Variants in SORCS1 observed in about 807,000 individuals in gnomAD.
SORCS1 encodes the protein VPS10 domain-containing receptor SorCS1.
Under a neutral mutation model 146.1 loss-of-function variants are expected in SORCS1, and 60 were observed. That is an observed-to-expected ratio of 0.41 (90% CI 0.33 to 0.51). The LOEUF (loss-of-function observed/expected upper bound fraction) is 0.51, where lower values mean the gene tolerates loss of function less well. Among genes scored for constraint, SORCS1 ranks in the 20% least tolerant of loss-of-function variants. The pLI is 0.21. For synonymous variants in SORCS1, 637 were observed against 584.0 expected, an observed-to-expected ratio of 1.09 and a Z score of -1.31; for missense variants, 1,352 against 1,487.6, an observed-to-expected ratio of 0.91 and a Z score of 1.50.
chr10:106,803,076 T>C (rs1164966357), intron 3 of SORCS1, among the ~76,000 whole-genome samples: 1 of 152,188 alleles, frequency 6.6e-6, no homozygotes, highest in Non-Finnish European at 1.5e-5. Context: ...CTTGATCACA[T>C]GTGATGGCCT....
chr10:106,762,383 A>ATTTT (rs1273170818), intron 4 of SORCS1, among the ~76,000 whole-genome samples: 2 of 112,876 alleles, frequency 1.8e-5, no homozygotes, highest in East Asian at 3.5e-4. Flanking sequence ...CTTTTTTATT[A>ATTTT]TTCTTTTTTT....
At chr10:106,724,246 C>T (rs1365005516) in intron 6 of SORCS1, among the ~76,000 whole-genome samples, 14 of 152,218 alleles carry the variant, frequency 9.2e-5, no homozygotes, top group Middle Eastern at 3.4e-3. Context: ...TGGTGGCTCA[C>T]GCCTGTAATC....
At chr10:106,904,951 A>G (rs1280015394) in intron 2 of SORCS1, among the ~76,000 whole-genome samples, 2 of 152,260 alleles carry the variant, frequency 1.3e-5, no homozygotes, top group East Asian at 3.8e-4. Flanking sequence ...ATTACAGACT[A>G]ATTAGAAAAT....
At chr10:106,928,198 G>A (rs1414781549) in intron 2 of SORCS1, among the ~76,000 whole-genome samples, 1 of 152,204 alleles carries the variant, frequency 6.6e-6, no homozygotes, top group Non-Finnish European at 1.5e-5. Context: ...AGGAGCCCAC[G>A]AAGGCGGGGA....
At chr10:107,069,240 A>G (rs1962205919) in intron 1 of SORCS1, among the ~76,000 whole-genome samples, 1 of 152,200 alleles carries the variant, frequency 6.6e-6, no homozygotes, top group Admixed American at 6.6e-5. Context: ...ATGTGATTAC[A>G]AAACTGTGAC....
At chr10:107,053,986 A>T (rs1960369820) in intron 1 of SORCS1, among the ~76,000 whole-genome samples, 1 of 152,182 alleles carries the variant, frequency 6.6e-6, no homozygotes, top group Admixed American at 6.6e-5. Context: ...GGAATAAAAA[A>T]CTGCTGATAC....
At chr10:106,943,468 T>G (rs1954153896) in intron 2 of SORCS1, among the ~76,000 whole-genome samples, 1 of 152,106 alleles carries the variant, frequency 6.6e-6, no homozygotes, top group Non-Finnish European at 1.5e-5. Context: ...ATCTGAAAAT[T>G]TCCATTTGAG....
intron 5 of SORCS1, among the ~76,000 whole-genome samples, chr10:106,751,653 T>A (rs1485341775): frequency 6.6e-6 from 1 of 152,154 alleles, no homozygotes; most frequent in Non-Finnish European, 1.5e-5. Flanking sequence ...TCCTTCAATA[T>A]ATATACTCCA....
At chr10:107,042,149 C>T (rs1959171060) in intron 1 of SORCS1, among the ~76,000 whole-genome samples, 2 of 152,274 alleles carry the variant, frequency 1.3e-5, no homozygotes, top group African/African-American at 4.8e-5. Flanking sequence ...AAGGTGATGA[C>T]AAATCAGACA....
At chr10:106,649,701 G>T (rs1022021325) in intron 18 of SORCS1, among the ~76,000 whole-genome samples, 1 of 152,044 alleles carries the variant, frequency 6.6e-6, no homozygotes, top group Non-Finnish European at 1.5e-5. Flanking sequence ...AATGATTCAG[G>T]TTCCTTATCT....
intron 8 of SORCS1, among the ~76,000 whole-genome samples, chr10:106,706,295 GA>G (rs1408209561): frequency 1.3e-5 from 2 of 149,212 alleles, no homozygotes; most frequent in Non-Finnish European, 3.0e-5. Context: ...AGGAGAAAGA[GA>G]AAGAAAGAAA....
At chr10:107,017,549 C>G (rs1039565442) in intron 1 of SORCS1, among the ~76,000 whole-genome samples, 1 of 152,190 alleles carries the variant, frequency 6.6e-6, no homozygotes, top group Non-Finnish European at 1.5e-5. Context: ...AATATAGTAC[C>G]ATGACATTTG....
At chr10:107,092,401 G>A (rs1964247617) in intron 1 of SORCS1, among the ~76,000 whole-genome samples, 1 of 152,194 alleles carries the variant, frequency 6.6e-6, no homozygotes, top group South Asian at 2.1e-4. Flanking sequence ...AGTATTGAGG[G>A]ATAATATCAT....
At chr10:106,949,334 C>T (rs1319289489) in intron 2 of SORCS1, among the ~76,000 whole-genome samples, 1 of 152,134 alleles carries the variant, frequency 6.6e-6, no homozygotes, top group Non-Finnish European at 1.5e-5. Flanking sequence ...CAGGGACTAA[C>T]AATCTGACCC....
intron 2 of SORCS1, among the ~76,000 whole-genome samples, chr10:106,954,404 C>T (rs1007776720): frequency 2.6e-5 from 4 of 152,174 alleles, no homozygotes; most frequent in Admixed American, 6.5e-5. Context: ...ATAGTAGGTG[C>T]GGGCTCCTTA....
At chr10:106,581,811 T>A (rs967145083) in intron 24 of SORCS1, among the ~76,000 whole-genome samples, 3 of 152,146 alleles carry the variant, frequency 2.0e-5, no homozygotes, top group African/African-American at 7.2e-5. Context: ...AATACCATCA[T>A]CACATCAAGG....
chr10:106,950,843 A>G (rs940608845), intron 2 of SORCS1, among the ~76,000 whole-genome samples: 4 of 152,112 alleles, frequency 2.6e-5, no homozygotes, highest in African/African-American at 9.7e-5. Flanking sequence ...AGAGGATGTA[A>G]TAACACATGT....
At chr10:106,652,851 TCTCA>T (rs1849980214) in intron 17 of SORCS1, among the ~76,000 whole-genome samples, 1 of 152,190 alleles carries the variant, frequency 6.6e-6, no homozygotes. Flanking sequence ...TAGCCCCTAC[TCTCA>T]CTAAGTTTAT....
At position 106,672,881 on chromosome 10, in the gene SORCS1, T is replaced by G; in HGVS notation, c.2045A>C (p.Gln682Pro). 6.8e-6 allele frequency: 11 copies of G among 1,613,996 alleles called. No homozygotes were observed. Among genetic ancestry groups the G allele is most frequent in the Non-Finnish European group, 9.3e-6 (11 of 1,179,882 alleles). ...TTTTCCTCCTACCTGGCTGTGCAGC[T>G]GCCAAGGTCTGTAGTCCTCTTCGGC... ...RCAEEDYRPW[Q>P]LHSQGEACIM... is the part of the protein sequence containing the mutation. The change falls in exon 15 of 26, where the codon CAG becomes CCG. Residue 682 changes from glutamine (Q) to proline (P), a missense_variant. By Grantham distance (76) the Gln-to-Pro change is moderately conservative. This residue lies in a region of SORCS1 where 648 missense variants were observed against 793.8 expected (regional missense o/e 0.82). Transcript: ENST00000263054.
Sources: gnomAD v4.1 joint callset for allele counts (sites outside exome capture counted in the v4.1 genomes callset) on GRCh38, gnomAD v4.1.1 for gene constraint, gnomAD v4.1.1 regional missense constraint, MANE v1.5 for transcripts, NCBI Gene and HGNC (gene_info 2026-07-23, HGNC 2026-07-21) for gene names.